NFKBID: variants seen among roughly 807,000 people sequenced by gnomAD.
NFKBID encodes NF-kappa-B inhibitor delta.
In NFKBID, 26 loss-of-function variants were observed where a neutral mutation model predicts 53.4. The observed-to-expected ratio is 0.49, with a 90% confidence interval of 0.36 to 0.68. The LOEUF (loss-of-function observed/expected upper bound fraction) is 0.68, where lower values mean the gene tolerates loss of function less well. NFKBID is among the 30% of genes least tolerant of loss of function. The pLI, the probability that NFKBID is intolerant of heterozygous loss-of-function variation, is 0.00. For synonymous variants in NFKBID, 262 were observed against 259.8 expected (o/e 1.01, Z -0.08); for missense variants, 493 against 614.1 (o/e 0.80, Z 2.08).
At position 35,898,546 on chromosome 19, in the gene NFKBID, A is replaced by G; in HGVS notation, c.166-14T>C. On this transcript the variant is annotated splice_polypyrimidine_tract_variant and intron_variant, in intron 2 of 11. Coordinates refer to ENST00000641389, the Ensembl canonical transcript of NFKBID. ...GAGAAATTGTCCCTGTAGAGACAAAAGCAAAAAGGAACCCAGGTGACTTTA... is the reference window on the plus strand; with the variant it reads ...GAGAAATTGTCCCTGTAGAGACAAAGGCAAAAAGGAACCCAGGTGACTTTA... 1.3e-6 allele frequency: 2 copies of G among 1,522,236 alleles called. No individual in the cohort carries two copies. The highest frequency in any genetic ancestry group is 1.8e-6 in the Non-Finnish European group (2 of 1,141,684). The allele number at this position is 1,522,236 out of a possible 1,614,324, so 94.3% of individuals were successfully genotyped here. A position where few individuals can be genotyped will look rare whatever the true frequency, so the allele number is the denominator to read the frequency against.
At chr19:35,892,054 T>G (rs1297042447) in intron 9 of NFKBID, among the ~76,000 whole-genome samples, 1 of 151,514 alleles carries the variant, frequency 6.6e-6, no homozygotes, top group Non-Finnish European at 1.5e-5. Flanking sequence ...TTATTATTGT[T>G]GTTGTTGTTG....
chr19:35,898,593 T>C (rs1975355376), intron 2 of NFKBID, 61 bp from the exon 3 acceptor site: 1 of 1,437,750 alleles, frequency 7.0e-7, no homozygotes, highest in Non-Finnish European at 9.4e-7. Context: ...CCTCCGGGTC[T>C]GTCTCGGATC....
exon 11 of NFKBID, chr19:35,889,903 G>C (rs200193671): frequency 3.7e-6 from 6 of 1,608,984 alleles, no homozygotes; most frequent in South Asian, 2.2e-5. Context: ...CTCAGGGCCC[G>C]GCCCGGGCCG....
chr19:35,892,367 A>T (rs1974826930), intron 9 of NFKBID, among the ~76,000 whole-genome samples: 1 of 151,750 alleles, frequency 6.6e-6, no homozygotes, highest in Admixed American at 6.6e-5. Context: ...TCTTATTTTT[A>T]AAAAACTTAT....
In NFKBID at chr19:35,896,665, G is replaced by C; in HGVS notation, c.684+61C>G. 1.3e-6 allele frequency: 2 copies of C among 1,556,112 alleles called. No homozygotes were observed. Among genetic ancestry groups the C allele is most frequent in the Non-Finnish European group, 1.8e-6 (2 of 1,133,538 alleles). ...ATTCCCCTCTTCTCTAGGATCCAGG[G>C]GTCCAGGCCCCAGGCTCCTTCCTCC... On this transcript the variant is annotated intron_variant, in intron 6 of 11. Transcript: ENST00000641389. The surrounding 1 kb of genome is among the most constrained non-coding windows in gnomAD (Gnocchi z 5.7).
intron 11 of NFKBID, among the ~76,000 whole-genome samples, chr19:35,889,186 TA>T (rs552654313): frequency 2.1e-3 from 271 of 131,210 alleles, no homozygotes; most frequent in Admixed American, 2.2e-3. Context: ...CCCCATCTCT[TA>T]AAAAAAAAAA....
At chr19:35,897,855 G>C in exon 4 of NFKBID, 1 of 1,543,106 alleles carries the variant, frequency 6.5e-7, no homozygotes, top group Non-Finnish European at 8.7e-7. Context: ...AGGGAGGGTG[G>C]CCTGCGTGTA....
rs964315269 is a variant in NFKBID at position 35,897,632 on chromosome 19, T to C, written c.432+19A>G. On this transcript the variant is annotated intron_variant, in intron 4 of 11. Coordinates refer to ENST00000641389, the Ensembl canonical transcript of NFKBID. ...TTTTTAGGGGCCCTTCAGCATCCTGTACCCACTCTGTATCTCACCTCCATG... is the reference window on the plus strand; with the variant it reads ...TTTTTAGGGGCCCTTCAGCATCCTGCACCCACTCTGTATCTCACCTCCATG... 2.3e-6 allele frequency: 3 copies of C among 1,313,312 alleles called. No individual in the cohort carries two copies. Among genetic ancestry groups the C allele is most frequent in the Non-Finnish European group, 3.3e-6 (3 of 906,126 alleles). 81.4% of individuals were successfully genotyped at this position (1,313,312 alleles called of 1,614,324 possible). A position where few individuals can be genotyped will look rare whatever the true frequency, so the allele number is the denominator to read the frequency against.
At chr19:35,890,828 C>A (rs1193558628) in intron 9 of NFKBID, 2 of 358,974 alleles carry the variant, frequency 5.6e-6, no homozygotes, top group African/African-American at 4.3e-5. Flanking sequence ...CACACCACTG[C>A]ACTCCAGCAT....
chr19:35,889,229 G>A (rs1021761185), intron 11 of NFKBID, among the ~76,000 whole-genome samples: 2 of 150,520 alleles, frequency 1.3e-5, no homozygotes, highest in Admixed American at 1.3e-4. Context: ...GGTGGTGACT[G>A]CCTGTAGTAC....
intron 9 of NFKBID, among the ~76,000 whole-genome samples, chr19:35,892,531 G>A (rs1296905519): frequency 2.0e-5 from 3 of 147,008 alleles, no homozygotes; most frequent in Admixed American, 6.7e-5. Flanking sequence ...GCGACAGAGC[G>A]AGACTCCATC....
At chr19:35,900,046 G>A (rs1263148510) in intron 1 of NFKBID, among the ~76,000 whole-genome samples, 3 of 95,498 alleles carry the variant, frequency 3.1e-5, no homozygotes, top group Non-Finnish European at 5.8e-5. Context: ...CTTCCCCACC[G>A]AGACCCACGC....
In NFKBID at chr19:35,893,634, C is replaced by A. The variant is rs534286710; in HGVS notation, c.1032+2346G>T. On this transcript the variant is annotated intron_variant, in intron 9 of 11. Transcript: ENST00000641389. ...AGGAGATCGAGACCATCCTGGCTAA[C>A]ACGGTGAAACTGCGTCTCTACTAAA... Among the ~76,000 whole-genome samples the A allele has an allele frequency of 4.0e-5, 6 of 151,694 alleles. No homozygotes were observed. The East Asian group carries it at 9.8e-4, about 25-fold the overall frequency.
rs771876183 is a variant in NFKBID at position 35,896,818 on chromosome 19, A to T, written c.592T>A (p.Phe198Ile). ...GCCCAGCGCAGCCCCCGAGCCGCAA[A>T]CAGGTGAAGGAGCCTGAGGACAGGT... Residue 198 changes from phenylalanine (F) to isoleucine (I), a missense_variant, in exon 6 of 12, where the codon TTT becomes ATT. Around this residue, in one of 2 missense-constraint regions of NFKBID, gnomAD observed 267 missense variants for 384.6 expected, o/e 0.69. Transcript: ENST00000641389. The surrounding 1 kb of genome is among the most constrained non-coding windows in gnomAD (Gnocchi z 5.7). The T allele has an allele frequency of 9.9e-6, 16 of 1,613,968 alleles. No individual in the cohort carries two copies. The Admixed American group carries it at 2.7e-4, about 27-fold the overall frequency.
At chr19:35,890,177 C>T (rs768184761) in intron 10 of NFKBID, 123 bp from the exon 11 acceptor site, 7 of 1,055,436 alleles carry the variant, frequency 6.6e-6, no homozygotes, top group South Asian at 1.5e-5. Context: ...AGACCTCCCC[C>T]GGCCACAGCC....
At chr19:35,900,290 C>T (rs1975489287) in intron 1 of NFKBID, among the ~76,000 whole-genome samples, 152 bp downstream of exon 1, 1 of 151,792 alleles carries the variant, frequency 6.6e-6, no homozygotes, top group African/African-American at 2.4e-5. Flanking sequence ...TGTCACGATC[C>T]ACGATCCCCT....
rs765439480 is a variant in NFKBID, at chr19:35,889,872, G to A, written c.1314+18C>T. ...GAGCTCAGAGGCCACTCTACAGGCAGGCTCAGTGCTTACTTACCCCCTCAG... is the reference window on the plus strand; with the variant it reads ...GAGCTCAGAGGCCACTCTACAGGCAAGCTCAGTGCTTACTTACCCCCTCAG... On this transcript the variant is annotated intron_variant, in intron 11 of 11. Coordinates refer to ENST00000641389, the Ensembl canonical transcript of NFKBID. 1 of 1,593,212 alleles carries A rather than the reference G, an allele frequency of 6.3e-7. No individual in the cohort carries two copies. The highest frequency in any genetic ancestry group is 1.1e-5 in the South Asian group (1 of 90,382).
At chr19:35,901,096 G>A (rs925659311), upstream of NFKBID, among the ~76,000 whole-genome samples, 4 of 152,080 alleles carry the variant, frequency 2.6e-5, no homozygotes, top group African/African-American at 9.7e-5. Context: ...GCCTCCCAAA[G>A]TGCTGGGATT....
chr19:35,893,583 G>A (rs569473994), intron 9 of NFKBID, among the ~76,000 whole-genome samples: 2 of 152,330 alleles, frequency 1.3e-5, no homozygotes, highest in East Asian at 1.9e-4. Context: ...CACTTTGGGA[G>A]GCCGAGGCGG....
Sources: allele counts gnomAD v4.1 joint callset (sites outside exome capture counted in the v4.1 genomes callset), GRCh38; gene constraint gnomAD v4.1.1; regional missense constraint gnomAD v4.1.1; non-coding constraint Gnocchi (gnomAD v3.1); transcripts MANE v1.5; gene names NCBI Gene and HGNC (gene_info 2026-07-23, HGNC 2026-07-21).